The following CAPN13 variants were observed in gnomAD, a reference collection of about 807,000 sequenced individuals.
CAPN13 encodes the protein calpain-13.
A neutral mutation model predicts 98.4 loss-of-function variants in CAPN13; 90 were observed. The observed-to-expected ratio is 0.92, with a 90% CI of 0.77 to 1.09. The LOEUF (loss-of-function observed/expected upper bound fraction) is 1.09. Ranked by LOEUF, CAPN13 falls within the 50% of genes least tolerant of loss-of-function variation. CAPN13 has a pLI of 0.00. For synonymous variants in CAPN13, 330 were observed against 305.5 expected, an observed-to-expected ratio of 1.08 and a Z score of -0.84; for missense variants, 887 against 841.3, an observed-to-expected ratio of 1.05 and a Z score of -0.67.
chr2:30,732,711 C>T, intron 19 of CAPN13, 145 bp from the exon 20 acceptor site: 2 of 1,138,116 alleles, frequency 1.8e-6, no homozygotes, highest in Non-Finnish European at 2.4e-6. Context: ...AGTGTCTTCT[C>T]TTTCCTGTTG....
At chr2:30,788,929 C>G (rs573254769) in intron 1 of CAPN13, among the ~76,000 whole-genome samples, 1 of 152,154 alleles carries the variant, frequency 6.6e-6, no homozygotes, top group Non-Finnish European at 1.5e-5. Flanking sequence ...CCATACAGAA[C>G]TGCCATTTTT....
chr2:30,744,963 G>C (rs1368919452), intron 12 of CAPN13, among the ~76,000 whole-genome samples: 1 of 152,190 alleles, frequency 6.6e-6, no homozygotes, highest in African/African-American at 2.4e-5. Flanking sequence ...GGATGTCAGG[G>C]ACCAGAGTCA....
intron 15 of CAPN13, chr2:30,741,418 T>A: frequency 1.0e-6 from 1 of 990,156 alleles, no homozygotes; most frequent in African/African-American, 1.7e-5. Context: ...GCAGCTATTT[T>A]ATTCTGACAA....
intron 1 of CAPN13, among the ~76,000 whole-genome samples, chr2:30,800,141 AAAGAAAG>A (rs1317644589): frequency 2.7e-5 from 4 of 146,318 alleles, no homozygotes; most frequent in African/African-American, 1.1e-4. Flanking sequence ...AGAAAGAAAG[AAAGAAAG>A]AAAGAAAGAA....
chr2:30,770,342 C>T lies in CAPN13; in HGVS notation c.495G>A (p.Trp165Ter). ...VRPRHQNQEF[W>*]PCLLEKAYAK... ...CATAGGCCTTCTCCAGCAGGCAGGG[C>T]CAGAACTCTTGGTTTTGGTGGCGAG... is the stretch of plus-strand genomic sequence containing the variant. The change falls in exon 5 of 23, where the codon TGG (tryptophan) becomes TGA (stop). Residue 165 changes from tryptophan (W) to a stop codon, truncating the protein, a stop_gained. Coordinates refer to ENST00000295055, the MANE Select transcript of CAPN13 (RefSeq NM_144575.3). LOFTEE classifies it high-confidence loss of function. 6.2e-7 allele frequency: 1 copy of T among 1,613,956 alleles called. No individual in the cohort carries two copies. The highest frequency in any genetic ancestry group is 8.5e-7 in the Non-Finnish European group (1 of 1,179,856).
intron 7 of CAPN13, among the ~76,000 whole-genome samples, chr2:30,760,666 G>T (rs1350890617): frequency 2.0e-5 from 3 of 152,334 alleles, no homozygotes; most frequent in Non-Finnish European, 4.4e-5. Flanking sequence ...TAGCACTTGT[G>T]GTTCAGAGTT....
intron 2 of CAPN13, among the ~76,000 whole-genome samples, chr2:30,786,177 A>G (rs1674267398): frequency 6.6e-6 from 1 of 152,192 alleles, no homozygotes; most frequent in African/African-American, 2.4e-5. Context: ...TTACTCTGTA[A>G]CCTACCTTCA....
intron 2 of CAPN13, 114 bp from the exon 3 acceptor site, chr2:30,777,753 A>C (rs1222196750): frequency 1.2e-6 from 1 of 867,014 alleles, no homozygotes; most frequent in Admixed American, 2.1e-5. Context: ...AGGTGCTTAA[A>C]ATCCGAGTTA....
chr2:30,751,352 C>G, intron 10 of CAPN13, 101 bp from the exon 11 acceptor site: 1 of 1,327,348 alleles, frequency 7.5e-7, no homozygotes, highest in Non-Finnish European at 1.0e-6. Context: ...GTGTTGTGAA[C>G]TCTGGATTGG....
chr2:30,744,779 C>A (rs1671825606), intron 12 of CAPN13, among the ~76,000 whole-genome samples: 2 of 152,142 alleles, frequency 1.3e-5, no homozygotes, highest in Non-Finnish European at 2.9e-5. Context: ...ATCAACAAAC[C>A]ACACACCCAG....
At chr2:30,769,239 A>T (rs781660562) in intron 5 of CAPN13, among the ~76,000 whole-genome samples, 13 of 151,938 alleles carry the variant, frequency 8.6e-5, no homozygotes, top group Non-Finnish European at 1.3e-4. Flanking sequence ...GCCCCCAGGA[A>T]TGTCCCTATT....
intron 22 of CAPN13, among the ~76,000 whole-genome samples, chr2:30,725,168 A>C (rs1344277116): frequency 6.6e-6 from 1 of 152,188 alleles, no homozygotes; most frequent in Non-Finnish European, 1.5e-5. Flanking sequence ...AATCAATTAA[A>C]ATCAATACAG....
chr2:30,732,490 C>G lies in CAPN13; in HGVS notation c.1875G>C (p.Arg625Ser), dbSNP rs763751505. The G allele has an allele frequency of 1.9e-6, 3 of 1,613,258 alleles. No individual in the cohort carries two copies. Among genetic ancestry groups the G allele is most frequent in the Admixed American group, 1.7e-5 (1 of 59,970 alleles). The change falls in exon 20 of 23, where the codon AGG becomes AGC. Residue 625 changes from arginine (R) to serine (S), a missense_variant. Transcript: ENST00000295055. ...VTLRYSDSVG[R>S]VSFPSLVCFL... The stretch of plus-strand genomic sequence containing the variant: ...AGCAGACCAGGCTGGGGAAGCTGAC[C>G]CTGCCGACGCTGTCGCTGTACCTGA...
chr2:30,758,203 T>C, intron 7 of CAPN13, 66 bp from the exon 8 acceptor site: 1 of 1,222,326 alleles, frequency 8.2e-7, no homozygotes, highest in South Asian at 1.5e-5. Context: ...GGGGGATGAA[T>C]GCAGCTGCTT....
chr2:30,741,339 G>T, intron 15 of CAPN13: 16 of 963,092 alleles, frequency 1.7e-5, no homozygotes, highest in Non-Finnish European at 2.0e-5. Context: ...GATGATCATC[G>T]GTATCACTTT....
chr2:30,725,438 C>A (rs1670826051), intron 22 of CAPN13, among the ~76,000 whole-genome samples: 1 of 151,998 alleles, frequency 6.6e-6, no homozygotes, highest in Non-Finnish European at 1.5e-5. Flanking sequence ...GAGAGAGGAA[C>A]AGAAGTATTC....
intron 19 of CAPN13, 84 bp downstream of exon 19, chr2:30,734,365 T>C: frequency 1.9e-6 from 2 of 1,035,036 alleles, no homozygotes; most frequent in Non-Finnish European, 3.0e-6. Context: ...CCTGGCACTG[T>C]TGTGCCAGCC....
At chr2:30,743,666 A>G (rs1671768633) in intron 12 of CAPN13, 87 bp from the exon 13 acceptor site, 6 of 1,140,618 alleles carry the variant, frequency 5.3e-6, no homozygotes. Context: ...CACCTTCTAG[A>G]CCGTCTCCAT....
At chr2:30,725,420 A>T (rs1410180640) in intron 22 of CAPN13, among the ~76,000 whole-genome samples, 1 of 152,216 alleles carries the variant, frequency 6.6e-6, no homozygotes, top group Non-Finnish European at 1.5e-5. Flanking sequence ...TGGGTTGAAG[A>T]TGAGCCAGAG....
Sources: allele counts gnomAD v4.1 joint callset (sites outside exome capture counted in the v4.1 genomes callset), GRCh38; gene constraint gnomAD v4.1.1; transcripts MANE v1.5; gene names NCBI Gene and HGNC (gene_info 2026-07-23, HGNC 2026-07-21).